FAS: variants seen among roughly 807,000 people sequenced by gnomAD.
The protein encoded by FAS is Fas cell surface death receptor.
Under a neutral mutation model 33.2 loss-of-function variants are expected in FAS, and 5 were observed. The ratio of observed to expected loss-of-function variants is 0.15; its 90% CI spans 0.08 to 0.32. The LOEUF (loss-of-function observed/expected upper bound fraction) is 0.32. Ranked by LOEUF, FAS falls within the 10% of genes least tolerant of loss-of-function variation. FAS has a pLI of 1.00. For missense variants in FAS, 339 were observed against 386.0 expected, an observed-to-expected ratio of 0.88 and a Z score of 1.02; for synonymous variants, 131 against 130.7, an observed-to-expected ratio of 1.00 and a Z score of -0.01.
chr10:89,013,281 T>A (rs1462723656), intron 7 of FAS, 62 bp from the exon 8 acceptor site: 1 of 1,514,068 alleles, frequency 6.6e-7, no homozygotes, highest in East Asian at 2.3e-5. Flanking sequence ...AAGTTCACAT[T>A]TAGAATATTC....
chr10:88,990,730 A>G, upstream of FAS: 1 of 910,312 alleles, frequency 1.1e-6, no homozygotes, highest in South Asian at 1.4e-5. This position sits in a 1 kb window ranked among gnomAD's most constrained non-coding sequence, Gnocchi z 4.9. Context: ...ACTTGGCTGG[A>G]GCCTCAGGGG....
intron 2 of FAS, among the ~76,000 whole-genome samples, chr10:89,005,326 G>A (rs9658745): frequency 2.0e-5 from 3 of 151,992 alleles, no homozygotes; most frequent in Admixed American, 6.6e-5. Flanking sequence ...TCACAAAATT[G>A]TCAAATGATT....
intron 2 of FAS, among the ~76,000 whole-genome samples, chr10:88,980,439 G>A (rs1204869270): frequency 6.6e-6 from 1 of 152,154 alleles, no homozygotes; most frequent in African/African-American, 2.4e-5. Flanking sequence ...TGTGGTGTCT[G>A]GTGAGCCAAA....
chr10:88,981,814 A>G (rs1846720893), upstream of FAS, among the ~76,000 whole-genome samples: 1 of 152,186 alleles, frequency 6.6e-6, no homozygotes, highest in Non-Finnish European at 1.5e-5. Context: ...CTTTCCATGA[A>G]AAACAGCAAT....
chr10:88,979,879 C>G (rs1283227763), intron 2 of FAS, among the ~76,000 whole-genome samples: 2 of 151,360 alleles, frequency 1.3e-5, no homozygotes, highest in Admixed American at 1.3e-4. Context: ...ATGTGTAAAG[C>G]ACCTACAAAG....
intron 4 of FAS, among the ~76,000 whole-genome samples, chr10:89,010,104 A>G (rs1848447930): frequency 1.3e-5 from 2 of 152,030 alleles, no homozygotes; most frequent in African/African-American, 4.8e-5. Context: ...CCAGCTGAGT[A>G]CCCTCCCTGA....
upstream of FAS, among the ~76,000 whole-genome samples, chr10:88,984,275 G>A (rs1326873708): frequency 3.9e-5 from 6 of 152,180 alleles, no homozygotes; most frequent in East Asian, 7.7e-4. Flanking sequence ...AGCTAAGGCT[G>A]GTGTAGTCTC....
chr10:88,998,830 G>A (rs189916611), intron 1 of FAS, among the ~76,000 whole-genome samples: 24 of 152,148 alleles, frequency 1.6e-4, no homozygotes, highest in African/African-American at 5.5e-4. Flanking sequence ...AAGCTAACTG[G>A]ATGCTTTGCT....
At chr10:89,007,594 C>T in intron 2 of FAS, 106 bp from the exon 3 acceptor site, 2 of 1,426,592 alleles carry the variant, frequency 1.4e-6, no homozygotes, top group Non-Finnish European at 1.9e-6. Context: ...ACCCCCCCTC[C>T]CCTTGTGTTT....
intron 1 of FAS, among the ~76,000 whole-genome samples, chr10:88,998,853 C>A (rs895777600): frequency 1.3e-5 from 2 of 152,074 alleles, no homozygotes; most frequent in African/African-American, 4.8e-5. Flanking sequence ...TGTCAACACT[C>A]CCCTTTACAA....
At chr10:88,985,532 C>T (rs1250814505), upstream of FAS, among the ~76,000 whole-genome samples, 4 of 152,210 alleles carry the variant, frequency 2.6e-5, no homozygotes, top group African/African-American at 9.7e-5. Flanking sequence ...ATTCCACATT[C>T]TCTTTCTATC....
chr10:89,007,864 G>A (rs1480444738), intron 3 of FAS, 27 bp downstream of exon 3: 1 of 1,613,440 alleles, frequency 6.2e-7, no homozygotes, highest in Admixed American at 1.7e-5. Flanking sequence ...GCAATTGAAA[G>A]AGGCCAATCT....
intron 2 of FAS, among the ~76,000 whole-genome samples, chr10:88,978,761 C>G (rs1032539332): frequency 6.6e-6 from 1 of 152,166 alleles, no homozygotes; most frequent in South Asian, 2.1e-4. Context: ...AATGAATCCT[C>G]TCTTCTACAA....
At position 89,015,258 on chromosome 10, in the gene FAS, A is replaced by G. The variant is rs1414960110; in HGVS notation, c.*808A>G. 2 of 534,696 alleles carry G rather than the reference A, an allele frequency of 3.7e-6. No homozygotes were observed. Among genetic ancestry groups the G allele is most frequent in the Non-Finnish European group, 7.2e-6 (2 of 276,710 alleles). The allele number at this position is 534,696 out of a possible 1,614,324, so 33.1% of individuals were successfully genotyped here. On this transcript the variant is annotated 3_prime_UTR_variant, in exon 9 of 9. Coordinates refer to ENST00000652046, the MANE Select transcript of FAS (RefSeq NM_000043.6). Reference sequence around the variant, plus strand: ...GCCTAATGCACCCCCAAACATGGAAATATCACCAAAAAATACTTAATAGTC... The same window carrying G: ...GCCTAATGCACCCCCAAACATGGAAGTATCACCAAAAAATACTTAATAGTC...
chr10:89,003,474 A>G (rs1263713452), intron 2 of FAS, among the ~76,000 whole-genome samples: 1 of 152,190 alleles, frequency 6.6e-6, no homozygotes, highest in Non-Finnish European at 1.5e-5. Context: ...AGCAAAAATG[A>G]CTCATTTGTG....
intron 1 of FAS, chr10:89,002,699 C>G: frequency 2.8e-6 from 1 of 355,500 alleles, no homozygotes; most frequent in Non-Finnish European, 5.4e-6. Context: ...GTTATTTCCA[C>G]TTATAGATAA....
rs562034353 is a variant in FAS, at chr10:88,991,467, A to C, written c.30+561A>C. The C allele has an allele frequency of 1.1e-3, 188 of 178,160 alleles. 1 individual carries two copies. Among genetic ancestry groups the C allele is most frequent in the Non-Finnish European group, 1.4e-3 (119 of 83,292 alleles). 11.0% of individuals were successfully genotyped at this position (178,160 alleles called of 1,614,324 possible). A position where few individuals can be genotyped will look rare whatever the true frequency, so the allele number is the denominator to read the frequency against. ...GTAGGAAATAAGTCAGCACCGAAGC[A>C]GTGGTTAAGCCGGAGGGCTCGGAAG... On this transcript the variant is annotated intron_variant, in intron 1 of 8. Coordinates refer to ENST00000652046, the MANE Select transcript of FAS (RefSeq NM_000043.6).
chr10:89,013,073 C>T (rs1455969485), intron 7 of FAS, among the ~76,000 whole-genome samples: 2 of 151,978 alleles, frequency 1.3e-5, no homozygotes, highest in Non-Finnish European at 2.9e-5. Context: ...TGAAAAATAA[C>T]CTCAACCTAT....
intron 1 of FAS, 105 bp from the exon 2 acceptor site, chr10:89,002,924 T>G: frequency 1.7e-6 from 2 of 1,187,618 alleles, no homozygotes; most frequent in Non-Finnish European, 2.5e-6. Context: ...ACATTGTCTT[T>G]GCCTGTGCAC....
Sources: allele counts gnomAD v4.1 joint callset (sites outside exome capture counted in the v4.1 genomes callset), GRCh38; gene constraint gnomAD v4.1.1; non-coding constraint Gnocchi (gnomAD v3.1); transcripts MANE v1.5; gene names NCBI Gene and HGNC (gene_info 2026-07-23, HGNC 2026-07-21).